The following RETREG3 variants were observed in gnomAD, a reference collection of about 807,000 sequenced individuals.
RETREG3 encodes reticulophagy regulator 3.
In RETREG3, 23 loss-of-function variants were observed where a neutral mutation model predicts 50.2. The observed-to-expected ratio is 0.46, with a 90% CI of 0.33 to 0.65. The LOEUF (loss-of-function observed/expected upper bound fraction) is 0.65. RETREG3 is among the 30% of genes least tolerant of loss of function. The pLI, the probability that RETREG3 is intolerant of heterozygous loss-of-function variation, is 0.02. For synonymous variants in RETREG3, 240 were observed against 234.4 expected, an observed-to-expected ratio of 1.02 and a Z score of -0.22; for missense variants, 546 against 598.0, an observed-to-expected ratio of 0.91 and a Z score of 0.91.
chr17:42,594,536 A>G (rs1356364132), intron 1 of RETREG3, among the ~76,000 whole-genome samples: 1 of 151,666 alleles, frequency 6.6e-6, no homozygotes, highest in African/African-American at 2.4e-5. Flanking sequence ...ACTGGGAGAC[A>G]AAGCAAGACT....
chr17:42,584,561 A>G (rs936423551), intron 6 of RETREG3, among the ~76,000 whole-genome samples: 6 of 152,080 alleles, frequency 3.9e-5, no homozygotes, highest in African/African-American at 1.4e-4. Context: ...TGTAATCCCA[A>G]CACTTTGGAA....
chr17:42,583,623 C>T (rs10454087), intron 6 of RETREG3, 43 bp from the exon 7 acceptor site: 448,583 of 1,572,126 alleles, frequency 0.29, 67,105 homozygotes, highest in South Asian at 0.45. Flanking sequence ...CTTCTCCCAG[C>T]GTAAAATCCC....
At chr17:42,589,735 C>T (rs1015032344) in intron 2 of RETREG3, among the ~76,000 whole-genome samples, 3 of 152,142 alleles carry the variant, frequency 2.0e-5, no homozygotes, top group Admixed American at 2.0e-4. Flanking sequence ...CACCTGGCCC[C>T]AACTATTTAT....
intron 1 of RETREG3, among the ~76,000 whole-genome samples, chr17:42,596,020 T>C (rs1002523792): frequency 1.3e-5 from 2 of 152,026 alleles, no homozygotes; most frequent in Non-Finnish European, 2.9e-5. Context: ...GAGTTGACTA[T>C]ATTTGCAGTT....
intron 1 of RETREG3, among the ~76,000 whole-genome samples, chr17:42,602,139 A>C (rs2093159862): frequency 6.6e-6 from 1 of 151,864 alleles, no homozygotes; most frequent in Non-Finnish European, 1.5e-5. Context: ...AACATGGTGA[A>C]ACTCCATCTC....
At chr17:42,609,385 G>C (rs540562548), upstream of RETREG3, 49 of 1,503,600 alleles carry the variant, frequency 3.3e-5, no homozygotes, top group South Asian at 7.4e-5. Context: ...AACAGCAACT[G>C]CGCAGATGCG....
intron 7 of RETREG3, 73 bp from the exon 8 acceptor site, chr17:42,582,879 A>G (rs2093112939): frequency 3.8e-6 from 6 of 1,582,318 alleles, no homozygotes; most frequent in African/African-American, 1.3e-5. Context: ...CAGCTTTACT[A>G]ATCAGCTAGC....
intron 2 of RETREG3, 65 bp downstream of exon 2, chr17:42,591,991 T>TA (rs2093134199): frequency 7.2e-7 from 1 of 1,388,430 alleles, no homozygotes; most frequent in Non-Finnish European, 1.0e-6. Flanking sequence ...CCCCTAATAC[T>TA]AAAGGTACAA....
intron 1 of RETREG3, among the ~76,000 whole-genome samples, chr17:42,595,450 G>A (rs1416683070): frequency 6.6e-6 from 1 of 150,958 alleles, no homozygotes; most frequent in Non-Finnish European, 1.5e-5. Flanking sequence ...AGGCTGGAGT[G>A]CAGTGGCACG....
At chr17:42,601,276 CAAATA>C (rs949451690) in intron 1 of RETREG3, among the ~76,000 whole-genome samples, 6 of 149,838 alleles carry the variant, frequency 4.0e-5, no homozygotes, top group African/African-American at 1.5e-4. Context: ...GACTCCATCT[CAAATA>C]AAATAAAATA....
At chr17:42,582,940 C>T in intron 7 of RETREG3, 134 bp from the exon 8 acceptor site, 1 of 1,177,432 alleles carries the variant, frequency 8.5e-7, no homozygotes, top group Non-Finnish European at 1.2e-6. Context: ...TAGATGGTAA[C>T]TTCCCGTTGA....
At chr17:42,597,447 A>G (rs1287087674) in intron 1 of RETREG3, among the ~76,000 whole-genome samples, 3 of 148,952 alleles carry the variant, frequency 2.0e-5, no homozygotes, top group Non-Finnish European at 4.4e-5. Flanking sequence ...TCGGCATCCC[A>G]AAGTGCTGGG....
intron 1 of RETREG3, among the ~76,000 whole-genome samples, chr17:42,595,666 C>CTT (rs770492649): frequency 1.9e-4 from 26 of 134,454 alleles, no homozygotes; most frequent in African/African-American, 4.1e-4. Context: ...TTCTTTCTTT[C>CTT]TTTTTTTTTT....
At chr17:42,586,725 G>GA in intron 4 of RETREG3, 40 bp downstream of exon 4, 1 of 1,606,594 alleles carries the variant, frequency 6.2e-7, no homozygotes, top group Non-Finnish European at 8.5e-7. Context: ...GAACTGAACT[G>GA]AGAGGCCAGA....
At position 42,609,369 on chromosome 17, in the gene RETREG3, C is replaced by A; in HGVS notation, c.-45G>T. ...CATCCGGGGCCGTGGCCCGACAAGT[C>A]ACAATAACAGCAACTGCGCAGATGC... On this transcript the variant is annotated 5_prime_UTR_variant, in exon 1 of 9. Coordinates refer to ENST00000309428, the MANE Select transcript of RETREG3 (RefSeq NM_178126.4). 1 of 1,564,486 alleles carries A rather than the reference C, an allele frequency of 6.4e-7. No individual in the cohort carries two copies. Among genetic ancestry groups the A allele is most frequent in the South Asian group, 1.1e-5 (1 of 87,846 alleles).
At chr17:42,582,601 A>G in intron 8 of RETREG3, 73 bp downstream of exon 8, 11 of 1,582,174 alleles carry the variant, frequency 7.0e-6, no homozygotes, top group Non-Finnish European at 9.5e-6. Context: ...AAGCACCAGT[A>G]TCCCCTCTGT....
intron 1 of RETREG3, among the ~76,000 whole-genome samples, chr17:42,602,362 T>C (rs561976472): frequency 1.6e-4 from 25 of 152,052 alleles, no homozygotes; most frequent in Admixed American, 1.1e-3. Flanking sequence ...TAATGGTTTG[T>C]ATACGATAAA....
In RETREG3 at chr17:42,609,296, G is replaced by A. The variant is rs2093175103; in HGVS notation, c.29C>T (p.Thr10Ile). ...AGTCGACCCCGAAGCCGGGCCTGGGGTCGTGGGAACCCCTTCGGCCTCAGC... is the reference window on the plus strand; with the variant it reads ...AGTCGACCCCGAAGCCGGGCCTGGGATCGTGGGAACCCCTTCGGCCTCAGC... MAEAEGVPT[T>I]PGPASGSTFR... is the part of the protein sequence containing the mutation. The change falls in exon 1 of 9, where the codon ACC becomes ATC. Residue 10 changes from threonine to isoleucine, a missense_variant. Physicochemically the swap from Thr to Ile is moderately conservative, Grantham distance 89. Transcript: ENST00000309428. 3.7e-6 allele frequency: 6 copies of A among 1,602,506 alleles called. No homozygotes were observed. In the East Asian group the frequency reaches 8.9e-5, roughly 24 times the overall value.
rs536801126 is a variant in RETREG3 at position 42,579,850 on chromosome 17, CCTCTTCT to C, written c.*1956_*1962del. ...GTGACTATGAGACACCTAACTCTTC[CCTCTTCT>C]GTCAACCATTTTCACTCCCTGGCCT... On this transcript the variant is annotated 3_prime_UTR_variant, in exon 9 of 9. Transcript: ENST00000309428. The C allele has an allele frequency of 3.2e-3, 488 of 152,888 alleles. 2 individuals carry two copies. Among genetic ancestry groups the C allele is most frequent in the Non-Finnish European group, 4.9e-3 (332 of 68,076 alleles). 9.5% of individuals were successfully genotyped at this position (152,888 alleles called of 1,614,324 possible). A position where few individuals can be genotyped will look rare whatever the true frequency, so the allele number is the denominator to read the frequency against.
Sources: allele counts gnomAD v4.1 joint callset (sites outside exome capture counted in the v4.1 genomes callset), GRCh38; gene constraint gnomAD v4.1.1; transcripts MANE v1.5; gene names NCBI Gene and HGNC (gene_info 2026-07-23, HGNC 2026-07-21).